AKAP6: variants seen among roughly 807,000 people sequenced by gnomAD.
AKAP6 encodes the protein A-kinase anchoring protein 6, also known as A-kinase anchor protein 6.
Under a neutral mutation model 188.5 loss-of-function variants are expected in AKAP6, and 58 were observed. That is an observed-to-expected ratio of 0.31 (90% CI 0.25 to 0.38). The LOEUF (loss-of-function observed/expected upper bound fraction) is 0.38. AKAP6 is among the 10% of genes least tolerant of loss of function. AKAP6 has a pLI of 1.00. For synonymous variants in AKAP6, 989 were observed against 998.6 expected (o/e 0.99, Z 0.18); for missense variants, 2,710 against 2,740.0 (o/e 0.99, Z 0.24).
At chr14:32,570,666 C>A (rs1415284208) in intron 4 of AKAP6, among the ~76,000 whole-genome samples, 1 of 152,082 alleles carries the variant, frequency 6.6e-6, no homozygotes, top group East Asian at 1.9e-4. Context: ...GTTACTGTCC[C>A]CATCTTACAG....
intron 12 of AKAP6, among the ~76,000 whole-genome samples, chr14:32,791,028 T>C (rs1250751735): frequency 2.6e-5 from 4 of 152,232 alleles, no homozygotes; most frequent in Admixed American, 2.6e-4. Context: ...TTGGTGGGCA[T>C]TTGGATTGGT....
chr14:32,456,691 A>C (rs569434145), intron 2 of AKAP6, among the ~76,000 whole-genome samples: 1 of 152,302 alleles, frequency 6.6e-6, no homozygotes, highest in East Asian at 1.9e-4. Context: ...ATTATCATGT[A>C]TCTGTGGTTG....
chr14:32,542,752 GA>G (rs1883017218), intron 3 of AKAP6, among the ~76,000 whole-genome samples: 1 of 152,210 alleles, frequency 6.6e-6, no homozygotes, highest in Non-Finnish European at 1.5e-5. Flanking sequence ...AATAGCATAA[GA>G]AAGGCCTCTT....
At position 32,453,254 on chromosome 14, in the gene AKAP6, G is replaced by A. The variant is rs528981124; in HGVS notation, c.324+19437G>A. Among the ~76,000 whole-genome samples, 22 of 152,252 alleles carry A rather than the reference G, an allele frequency of 1.4e-4. No individual in the cohort carries two copies. In the East Asian group the frequency reaches 3.9e-3, roughly 27 times the overall value. On this transcript the variant is annotated intron_variant, in intron 2 of 13. Transcript: ENST00000280979. Reference sequence around the variant, plus strand: ...CTACAGATGAGAAAGCAGAGGCCCCGAGAAGTTGAATTCTCATGTTCAAAC... The same window carrying A: ...CTACAGATGAGAAAGCAGAGGCCCCAAGAAGTTGAATTCTCATGTTCAAAC...
At chr14:32,751,766 T>G (rs1244201591) in intron 11 of AKAP6, among the ~76,000 whole-genome samples, 1 of 152,198 alleles carries the variant, frequency 6.6e-6, no homozygotes, top group African/African-American at 2.4e-5. Context: ...AGAACCTAAT[T>G]TTGTAATTCA....
intron 7 of AKAP6, among the ~76,000 whole-genome samples, chr14:32,651,960 C>T (rs1017374811): frequency 1.1e-4 from 16 of 152,030 alleles, no homozygotes; most frequent in African/African-American, 3.6e-4. Flanking sequence ...GGATTCTAGA[C>T]CATCTGTTCT....
chr14:32,664,561 A>G (rs1210629522), intron 7 of AKAP6, among the ~76,000 whole-genome samples: 4 of 152,178 alleles, frequency 2.6e-5, no homozygotes, highest in Admixed American at 2.6e-4. Context: ...TTGTTTAAGA[A>G]CATTCCTTTT....
chr14:32,480,769 T>G (rs551949011), intron 2 of AKAP6, among the ~76,000 whole-genome samples: 2 of 152,322 alleles, frequency 1.3e-5, no homozygotes, highest in South Asian at 4.1e-4. Flanking sequence ...CTGATTCTTC[T>G]TATTCTCCTT....
intron 2 of AKAP6, among the ~76,000 whole-genome samples, chr14:32,522,070 C>T (rs997269363): frequency 1.8e-4 from 27 of 152,004 alleles, no homozygotes; most frequent in Admixed American, 9.2e-4. Flanking sequence ...ACAAACCTGA[C>T]GAAAACAAGA....
chr14:32,754,794 C>T (rs1297158025), intron 11 of AKAP6, among the ~76,000 whole-genome samples: 1 of 152,104 alleles, frequency 6.6e-6, no homozygotes, highest in Admixed American at 6.5e-5. Context: ...AGAATACTTT[C>T]TTTTCCTTTA....
intron 7 of AKAP6, among the ~76,000 whole-genome samples, chr14:32,632,334 C>A (rs1444285181): frequency 2.0e-5 from 3 of 152,012 alleles, no homozygotes; most frequent in Admixed American, 6.6e-5. Context: ...TTTGTCTAAT[C>A]ATTTATTCTA....
At chr14:32,686,405 A>C (rs1174277764) in intron 8 of AKAP6, among the ~76,000 whole-genome samples, 1 of 152,154 alleles carries the variant, frequency 6.6e-6, no homozygotes, top group Non-Finnish European at 1.5e-5. Context: ...TATAGTCAAT[A>C]ATAACTTTAT....
At chr14:32,657,176 T>C (rs6571547) in intron 7 of AKAP6, among the ~76,000 whole-genome samples, 100,417 of 152,032 alleles carry the variant, frequency 0.66, 34,312 homozygotes, top group East Asian at 0.94. Context: ...GGGAAAAAGG[T>C]CAAGAAAATC....
In AKAP6 at chr14:32,830,075, T is replaced by C; in HGVS notation, c.*270T>C. The C allele has an allele frequency of 4.5e-6, 3 of 664,070 alleles. 1 individual carries two copies. The highest frequency in any genetic ancestry group is 3.3e-5 in the South Asian group (2 of 60,886). The allele number at this position is 664,070 out of a possible 1,614,324, so 41.1% of individuals were successfully genotyped here. Reference sequence around the variant, plus strand: ...AGCTGCTTGTTCTCCCATGGATTCCTGTCCCAAGCTACCTCTACCAACCCT... The same window carrying C: ...AGCTGCTTGTTCTCCCATGGATTCCCGTCCCAAGCTACCTCTACCAACCCT... On this transcript the variant is annotated 3_prime_UTR_variant, in exon 14 of 14. Transcript: ENST00000280979.
chr14:32,815,843 A>G (rs1594976686), intron 12 of AKAP6, among the ~76,000 whole-genome samples: 1 of 152,270 alleles, frequency 6.6e-6, no homozygotes, highest in African/African-American at 2.4e-5. Flanking sequence ...AACAGTCTAT[A>G]AGGCAGATAC....
rs139599366 is a variant in AKAP6, at chr14:32,822,302, C to T, written c.4489C>T (p.Pro1497Ser). The change falls in exon 13 of 14, where the codon CCC (proline) becomes TCC (serine). Residue 1497 changes from proline (P) to serine (S), a missense_variant. This residue lies in a region of AKAP6 where 2,473 missense variants were observed against 2,426.1 expected (regional missense o/e 1.02). Transcript: ENST00000280979. Reference sequence around the variant, plus strand: ...AAGCGAAAAAGCGCATGTGGAGGATCCCCTGCTTCGTGGTTTTTATTTTGA... The same window carrying T: ...AAGCGAAAAAGCGCATGTGGAGGATTCCCTGCTTCGTGGTTTTTATTTTGA... The part of the protein sequence containing the change: ...SQSEKAHVED[P>S]LLRGFYFDKK... 9.0e-5 allele frequency: 145 copies of T among 1,613,880 alleles called. No individual in the cohort carries two copies. In the African/African-American group the frequency reaches 1.5e-3, roughly 17 times the overall value.
intron 5 of AKAP6, among the ~76,000 whole-genome samples, chr14:32,580,606 G>T (rs181899000): frequency 1.3e-5 from 2 of 152,102 alleles, no homozygotes; most frequent in African/African-American, 4.8e-5. Context: ...ACAACGTGCA[G>T]GTTAGTTACC....
chr14:32,480,205 T>C (rs1393488628), intron 2 of AKAP6, among the ~76,000 whole-genome samples: 1 of 152,176 alleles, frequency 6.6e-6, no homozygotes, highest in Non-Finnish European at 1.5e-5. Context: ...CTAACTCCTA[T>C]ATCAGATATT....
rs559487849 is a variant in AKAP6 at position 32,451,838 on chromosome 14, G to T, written c.324+18021G>T. Reference sequence around the variant, plus strand: ...ATAGTAGTTAGTGGCAACTGTACTGGACAGCAAAGATTTCCAAATTGTATA... The same window carrying T: ...ATAGTAGTTAGTGGCAACTGTACTGTACAGCAAAGATTTCCAAATTGTATA... On this transcript the variant is annotated intron_variant, in intron 2 of 13. Coordinates refer to ENST00000280979, the MANE Select transcript of AKAP6 (RefSeq NM_004274.5). Among the ~76,000 whole-genome samples, 9 of 152,000 alleles carry T rather than the reference G, an allele frequency of 5.9e-5. No individual in the cohort carries two copies. In the East Asian group the frequency reaches 1.7e-3, roughly 29 times the overall value.
Sources: allele counts gnomAD v4.1 joint callset (sites outside exome capture counted in the v4.1 genomes callset), GRCh38; gene constraint gnomAD v4.1.1; regional missense constraint gnomAD v4.1.1; transcripts MANE v1.5; gene names NCBI Gene and HGNC (gene_info 2026-07-23, HGNC 2026-07-21).